Variants in PCDHA9 observed in about 807,000 individuals in gnomAD.
PCDHA9 encodes protocadherin alpha-9.
Under a neutral mutation model 62.0 loss-of-function variants are expected in PCDHA9, and 62 were observed. That is an observed-to-expected ratio of 1.00 (90% CI 0.81 to 1.23). The LOEUF (loss-of-function observed/expected upper bound fraction) is 1.23. Among genes scored for constraint, PCDHA9 ranks in the 50% most tolerant of loss-of-function variants. The pLI is 0.00. For synonymous variants in PCDHA9, 557 were observed against 567.6 expected (o/e 0.98, Z 0.27); for missense variants, 1,205 against 1,249.8 (o/e 0.96, Z 0.54).
chr5:140,968,727 G>A, intron 1 of PCDHA9: 1 of 1,614,162 alleles, frequency 6.2e-7, no homozygotes, highest in Admixed American at 1.7e-5. Context: ...GAGAGTGGTA[G>A]CACTTTCAAC....
intron 1 of PCDHA9, among the ~76,000 whole-genome samples, chr5:140,938,620 C>G (rs571731816): frequency 1.3e-5 from 2 of 152,172 alleles, no homozygotes; most frequent in African/African-American, 4.8e-5. Context: ...GGAATAAACT[C>G]AGGTTGCTTA....
intron 1 of PCDHA9, chr5:140,927,490 C>G: frequency 1.2e-6 from 2 of 1,614,132 alleles, no homozygotes; most frequent in Non-Finnish European, 8.5e-7. Flanking sequence ...CGCCACCCAC[C>G]TGCTGGTGCT....
intron 1 of PCDHA9, chr5:140,882,584 C>T (rs1554174685): frequency 1.9e-6 from 3 of 1,614,120 alleles, no homozygotes; most frequent in Admixed American, 1.7e-5. Flanking sequence ...CAGCATCCAC[C>T]TGGAGGTGAT....
chr5:140,897,383 C>T (rs1554187365), intron 1 of PCDHA9, among the ~76,000 whole-genome samples: 1 of 143,902 alleles, frequency 6.9e-6, no homozygotes, highest in African/African-American at 2.6e-5. Flanking sequence ...CTTCCCCTTC[C>T]TGTGTCCATG....
chr5:140,926,373 G>A (rs1040164585), intron 1 of PCDHA9: 3 of 152,370 alleles, frequency 2.0e-5, no homozygotes, highest in African/African-American at 4.8e-5. Context: ...GGCAGGAAGA[G>A]CCCAGCTGGG....
intron 1 of PCDHA9, chr5:140,877,765 C>T (rs377126743): frequency 4.3e-6 from 7 of 1,614,176 alleles, no homozygotes; most frequent in Non-Finnish European, 5.1e-6. Context: ...AGAGAGCCCG[C>T]CCAAGACGGA....
intron 1 of PCDHA9, among the ~76,000 whole-genome samples, chr5:140,903,237 T>G (rs1191816509): frequency 1.3e-5 from 2 of 152,194 alleles, no homozygotes; most frequent in Non-Finnish European, 2.9e-5. Flanking sequence ...ACTTTTTGAT[T>G]TTTAAATTAT....
chr5:140,884,350 G>A, intron 1 of PCDHA9: 1 of 1,613,918 alleles, frequency 6.2e-7, no homozygotes, highest in South Asian at 1.1e-5. Flanking sequence ...CGGCGCTGGT[G>A]GATGTCAATG....
At chr5:140,962,930 C>A (rs2095720492) in intron 1 of PCDHA9, among the ~76,000 whole-genome samples, 1 of 152,144 alleles carries the variant, frequency 6.6e-6, no homozygotes, top group South Asian at 2.1e-4. Flanking sequence ...TACTTCTCAA[C>A]CTCCTCTCCA....
chr5:140,850,875 G>A lies in PCDHA9; in HGVS notation c.2380G>A (p.Asp794Asn), dbSNP rs201934627. 18 of 1,590,472 alleles carry A rather than the reference G, an allele frequency of 1.1e-5. 3 individuals carry two copies. The highest frequency in any genetic ancestry group is 1.5e-5 in the Non-Finnish European group (18 of 1,162,510). ...ERTGEPSASS[D>N]STGKPRQPNP... ...AACGGGAGAACCCTCTGCTTCCTCAGATTCAACTGGGAAGGTGGGTTTTTC... is the reference window on the plus strand; with the variant it reads ...AACGGGAGAACCCTCTGCTTCCTCAAATTCAACTGGGAAGGTGGGTTTTTC... Residue 794 changes from aspartate (D) to asparagine (N), a missense_variant, in exon 1 of 4, where the codon GAT becomes AAT. Transcript: ENST00000532602.
chr5:140,863,170 A>G (rs1458621286), intron 1 of PCDHA9: 2 of 688,322 alleles, frequency 2.9e-6, no homozygotes, highest in African/African-American at 1.8e-5. Flanking sequence ...GCTGGCGCTG[A>G]CTGCCACCGT....
intron 1 of PCDHA9, among the ~76,000 whole-genome samples, chr5:140,908,583 T>C (rs1245727862): frequency 1.3e-5 from 2 of 152,088 alleles, no homozygotes; most frequent in Admixed American, 1.3e-4. Context: ...GGAGAGTAGT[T>C]AGCTGCAGAA....
At chr5:140,942,445 A>G (rs1323056710) in intron 1 of PCDHA9, among the ~76,000 whole-genome samples, 5 of 152,016 alleles carry the variant, frequency 3.3e-5, no homozygotes, top group Non-Finnish European at 7.4e-5. Context: ...AAACAAGTAA[A>G]CTATCAATTA....
At chr5:140,861,758 T>C (rs1469300232) in intron 1 of PCDHA9, 1 of 93,472 alleles carries the variant, frequency 1.1e-5, no homozygotes, top group African/African-American at 4.7e-5. Context: ...TGATTATTTT[T>C]CCCTGGAAAT....
intron 1 of PCDHA9, chr5:140,859,116 A>G (rs1210233743): frequency 6.7e-6 from 1 of 150,046 alleles, no homozygotes; most frequent in Non-Finnish European, 1.5e-5. Flanking sequence ...AAGAAAATGT[A>G]TGTTTCTTTT....
intron 1 of PCDHA9, chr5:140,966,173 A>C (rs2095976741): frequency 5.4e-6 from 1 of 184,728 alleles, no homozygotes; most frequent in Admixed American, 6.2e-5. Context: ...TTTCCTGGGG[A>C]GCTGATAGCC....
At chr5:140,919,841 GA>G (rs1318412572) in intron 1 of PCDHA9, among the ~76,000 whole-genome samples, 1 of 152,146 alleles carries the variant, frequency 6.6e-6, no homozygotes, top group Non-Finnish European at 1.5e-5. Context: ...GTAACCTTTG[GA>G]ACCTGTGACC....
At chr5:140,956,073 T>C (rs2095254120) in intron 1 of PCDHA9, among the ~76,000 whole-genome samples, 1 of 152,208 alleles carries the variant, frequency 6.6e-6, no homozygotes, top group South Asian at 2.1e-4. Context: ...TTTCCAGATA[T>C]AGGATCATGT....
intron 2 of PCDHA9, among the ~76,000 whole-genome samples, chr5:140,980,258 G>A (rs2096882497): frequency 6.6e-6 from 1 of 152,164 alleles, no homozygotes; most frequent in Non-Finnish European, 1.5e-5. Context: ...GTAAAAGCAT[G>A]GTTTACAGTA....
Sources: allele counts gnomAD v4.1 joint callset (sites outside exome capture counted in the v4.1 genomes callset), GRCh38; gene constraint gnomAD v4.1.1; transcripts MANE v1.5; gene names NCBI Gene and HGNC (gene_info 2026-07-23, HGNC 2026-07-21).